The following DYNC2H1 variants were observed in gnomAD, a reference collection of about 807,000 sequenced individuals.
DYNC2H1 encodes the protein dynein cytoplasmic 2 heavy chain 1, also known as cytoplasmic dynein 2 heavy chain 1.
In DYNC2H1, 410 loss-of-function variants were observed where a neutral mutation model predicts 570.0. The observed-to-expected ratio is 0.72, with a 90% CI of 0.66 to 0.78. The LOEUF is 0.78. Ranked by LOEUF, DYNC2H1 falls within the 30% of genes least tolerant of loss-of-function variation. The probability of loss-of-function intolerance (pLI) is 0.00; values close to 1 mark genes in which losing one functional copy is unlikely to be tolerated. For synonymous variants in DYNC2H1, 1,688 were observed against 1,677.6 expected (o/e 1.01, Z -0.15); for missense variants, 4,865 against 5,046.4 (o/e 0.96, Z 1.09).
rs11225713 is a variant in DYNC2H1, at chr11:103,319,868, G to A, written c.11726-1161G>A. On this transcript the variant is annotated intron_variant, in intron 80 of 88. Coordinates refer to ENST00000375735, the MANE Select transcript of DYNC2H1 (RefSeq NM_001377.3). The surrounding 1 kb of genome is among the most constrained non-coding windows in gnomAD (Gnocchi z 4.3). ...GACAACTAGAAATTTGAGTCCTGGTGAAGTCCTTTGTTTAGTCACTGTTGA... is the reference window on the plus strand; with the variant it reads ...GACAACTAGAAATTTGAGTCCTGGTAAAGTCCTTTGTTTAGTCACTGTTGA... Among the ~76,000 whole-genome samples the A allele has an allele frequency of 4.6e-5, 7 of 151,884 alleles. No individual in the cohort carries two copies. The highest frequency in any genetic ancestry group is 8.8e-5 in the Non-Finnish European group (6 of 67,936).
At chr11:103,411,426 A>G (rs1422332671) in intron 84 of DYNC2H1, among the ~76,000 whole-genome samples, 2 of 151,588 alleles carry the variant, frequency 1.3e-5, no homozygotes, top group East Asian at 2.0e-4. Context: ...AATTATATCA[A>G]TCGAGGGGTA....
At chr11:103,404,670 A>G (rs1232021529) in intron 84 of DYNC2H1, 1 of 151,504 alleles carries the variant, frequency 6.6e-6, no homozygotes, top group Non-Finnish European at 1.5e-5. Flanking sequence ...ATCAGTGGAC[A>G]AAGCACCCTA....
chr11:103,392,154 C>G lies in DYNC2H1; in HGVS notation c.12157-7509C>G, dbSNP rs527376626. 2.2e-3 allele frequency among the ~76,000 whole-genome samples: 332 copies of G among 152,342 alleles called. 2 individuals are homozygous for G. The highest frequency in any genetic ancestry group is 3.6e-3 in the Non-Finnish European group (248 of 68,024). On this transcript the variant is annotated intron_variant, in intron 83 of 88. Transcript: ENST00000375735. ...GAGCTGCGGTGGACTCCACCCAGTT[C>G]GAGCTTCCCGGCCACTTTGTTTACC... is the stretch of plus-strand genomic sequence containing the variant.
At chr11:103,380,551 C>T (rs796967170) in intron 83 of DYNC2H1, among the ~76,000 whole-genome samples, 1 of 151,038 alleles carries the variant, frequency 6.6e-6, no homozygotes, top group Non-Finnish European at 1.5e-5. Flanking sequence ...TTGGAGGTTA[C>T]GTGATGAGGA....
chr11:103,438,286 C>CCAAA (rs1944134097), intron 85 of DYNC2H1, among the ~76,000 whole-genome samples: 1 of 152,040 alleles, frequency 6.6e-6, no homozygotes, highest in Admixed American at 6.6e-5. Flanking sequence ...TGCTTTTCAT[C>CCAAA]TATTCAAGGG....
Position 103,277,906 on chromosome 11 carries a change from C to A in DYNC2H1, c.10696-2442C>A, listed in dbSNP as rs1019589920. Among the ~76,000 whole-genome samples, 3 of 152,134 alleles carry A rather than the reference C, an allele frequency of 2.0e-5. No homozygotes were observed. Among genetic ancestry groups the A allele is most frequent in the African/African-American group, 7.2e-5 (3 of 41,430 alleles). ...TGAGCATGGGCACTTTTTTCTGGTT[C>A]ATATTTTTGCTGATAATGTAATTCT... is the stretch of plus-strand genomic sequence containing the variant. On this transcript the variant is annotated intron_variant, in intron 70 of 88. Coordinates refer to ENST00000375735, the MANE Select transcript of DYNC2H1 (RefSeq NM_001377.3). The surrounding 1 kb of genome is among the most constrained non-coding windows in gnomAD (Gnocchi z 4.3).
chr11:103,236,457 C>T lies in DYNC2H1; in HGVS notation c.9737C>T (p.Thr3246Ile), dbSNP rs794727822. Residue 3246 changes from threonine (T) to isoleucine (I), a missense_variant, in exon 63 of 89, where the codon ACT becomes ATT. Physicochemically the swap from Thr to Ile is moderately conservative, Grantham distance 89. Around this residue, in one of 5 missense-constraint regions of DYNC2H1, gnomAD observed 2,401 missense variants for 2,454.6 expected, o/e 0.98. Coordinates refer to ENST00000375735, the MANE Select transcript of DYNC2H1 (RefSeq NM_001377.3). ...EKFDLRRFLCTESEQLIWKSE... is the reference protein window; with the variant it reads ...EKFDLRRFLCIESEQLIWKSE... ...TTTGATCTGAGGAGATTTCTTTGTA[C>T]TGAAAGTGAGCAGTTAATTTGGAAA... is the stretch of plus-strand genomic sequence containing the variant. 1 of 1,608,084 alleles carries T rather than the reference C, an allele frequency of 6.2e-7. No homozygotes were observed. The highest frequency in any genetic ancestry group is 2.2e-5 in the East Asian group (1 of 44,618).
intron 82 of DYNC2H1, among the ~76,000 whole-genome samples, chr11:103,335,566 T>G (rs542593423): frequency 6.6e-6 from 1 of 152,210 alleles, no homozygotes; most frequent in East Asian, 1.9e-4. Flanking sequence ...GGAATCTCTT[T>G]AAGTCTAAGT....
In DYNC2H1 at chr11:103,439,638, T is replaced by G. The variant is rs1284268223; in HGVS notation, c.12456+3606T>G. On this transcript the variant is annotated intron_variant, in intron 85 of 88. Transcript: ENST00000375735. The surrounding 1 kb of genome is among the most constrained non-coding windows in gnomAD (Gnocchi z 4.1). ...AATACTCTTAATTTAGAGCTATAGA[T>G]CCCCTAGGTATCCAAGGAACCTGAG... Among the ~76,000 whole-genome samples the G allele has an allele frequency of 6.6e-6, 1 of 151,962 alleles. No individual in the cohort carries two copies. The highest frequency in any genetic ancestry group is 1.5e-5 in the Non-Finnish European group (1 of 67,974).
intron 81 of DYNC2H1, among the ~76,000 whole-genome samples, chr11:103,321,631 G>A (rs531796727): frequency 1.1e-4 from 17 of 152,064 alleles, no homozygotes; most frequent in Non-Finnish European, 2.1e-4. Context: ...TGTGTCTTCA[G>A]TTTCTGGCTT....
chr11:103,419,196 CAT>C, intron 84 of DYNC2H1, among the ~76,000 whole-genome samples: 1 of 152,302 alleles, frequency 6.6e-6, no homozygotes, highest in Non-Finnish European at 1.5e-5. Flanking sequence ...TAGACTTAGC[CAT>C]TCCAGCCTGC....
chr11:103,305,674 G>T lies in DYNC2H1; in HGVS notation c.11382+954G>T, dbSNP rs1867251596. Among the ~76,000 whole-genome samples the T allele has an allele frequency of 6.6e-6, 1 of 151,818 alleles. No individual in the cohort carries two copies. The highest frequency in any genetic ancestry group is 6.6e-5 in the Admixed American group (1 of 15,198). On this transcript the variant is annotated intron_variant, in intron 77 of 88. Transcript: ENST00000375735. This position sits in a 1 kb window ranked among gnomAD's most constrained non-coding sequence, Gnocchi z 4.3. ...TAGGTGTGAGGTATTAAAAATCTCTGCAGTCCTAATTAATTGGCAACTACA... is the reference window on the plus strand; with the variant it reads ...TAGGTGTGAGGTATTAAAAATCTCTTCAGTCCTAATTAATTGGCAACTACA...
intron 84 of DYNC2H1, among the ~76,000 whole-genome samples, chr11:103,425,425 G>T (rs926619960): frequency 6.6e-6 from 1 of 152,014 alleles, no homozygotes; most frequent in Non-Finnish European, 1.5e-5. Flanking sequence ...TCATATGGTG[G>T]AAAGAGTGCA....
chr11:103,317,661 A>C (rs1485545758), intron 80 of DYNC2H1, among the ~76,000 whole-genome samples: 1 of 152,162 alleles, frequency 6.6e-6, no homozygotes, highest in Non-Finnish European at 1.5e-5. Flanking sequence ...GAAGGTTTTA[A>C]TAGGTGTTCT....
At chr11:103,285,419 CT>C (rs147433527) in intron 73 of DYNC2H1, among the ~76,000 whole-genome samples, 24,652 of 90,068 alleles carry the variant, frequency 0.27, 2,215 homozygotes, top group Admixed American at 0.43. Flanking sequence ...TTCTTTTTTT[CT>C]TTTCTTTTTT....
At chr11:103,477,822 C>CT (rs1413781884) in intron 88 of DYNC2H1, among the ~76,000 whole-genome samples, 3 of 113,654 alleles carry the variant, frequency 2.6e-5, no homozygotes, top group African/African-American at 1.1e-4. Context: ...CAGAGCAAGA[C>CT]TCCCCATCTC....
chr11:103,475,271 T>C (rs1481978), intron 88 of DYNC2H1, among the ~76,000 whole-genome samples: 28 of 152,218 alleles, frequency 1.8e-4, no homozygotes, highest in African/African-American at 6.3e-4. Context: ...TGTGAATTAT[T>C]TGAAGTCTTC....
chr11:103,120,849 A>G, intron 8 of DYNC2H1, 47 bp downstream of exon 8: 14 of 1,183,878 alleles, frequency 1.2e-5, no homozygotes, highest in Non-Finnish European at 1.5e-5. Context: ...TTAAGCTAAT[A>G]TATATATAAA....
chr11:103,159,036 C>G lies in DYNC2H1; in HGVS notation c.4378+9C>G. 6.3e-7 allele frequency: 1 copy of G among 1,596,594 alleles called. No individual in the cohort carries two copies. The highest frequency in any genetic ancestry group is 1.3e-5 in the African/African-American group (1 of 74,660). ...GAAGAAGCTTTTTGCTGGTAGGATT[C>G]AACATTTATTTAACAGATATTTATT... On this transcript the variant is annotated intron_variant, in intron 28 of 88. Transcript: ENST00000375735.
Sources: gnomAD v4.1 joint callset for allele counts (sites outside exome capture counted in the v4.1 genomes callset) on GRCh38, gnomAD v4.1.1 for gene constraint, gnomAD v4.1.1 regional missense constraint, Gnocchi (gnomAD v3.1) non-coding constraint, MANE v1.5 for transcripts, NCBI Gene and HGNC (gene_info 2026-07-23, HGNC 2026-07-21) for gene names.